Variants in ZNF407 observed in about 807,000 individuals in gnomAD.
ZNF407 encodes zinc finger protein 407.
A neutral mutation model predicts 131.2 loss-of-function variants in ZNF407; 17 were observed. The observed-to-expected ratio is 0.13, with a 90% CI of 0.09 to 0.19. ZNF407 has a LOEUF of 0.19. Ranked by LOEUF, ZNF407 falls within the 10% of genes least tolerant of loss-of-function variation. The pLI is 1.00. For missense variants in ZNF407, 2,681 were observed against 2,830.6 expected (o/e 0.95, Z 1.20); for synonymous variants, 1,156 against 1,062.0 (o/e 1.09, Z -1.72).
At chr18:74,897,539 A>G (rs144783207) in intron 7 of ZNF407, among the ~76,000 whole-genome samples, 1 of 152,368 alleles carries the variant, frequency 6.6e-6, no homozygotes, top group African/African-American at 2.4e-5. Context: ...TCTTTCTACA[A>G]GGAATTACTA....
intron 3 of ZNF407, among the ~76,000 whole-genome samples, chr18:74,652,223 A>G (rs1043373219): frequency 5.3e-5 from 8 of 152,100 alleles, no homozygotes; most frequent in Non-Finnish European, 8.8e-5. Context: ...AAAGTTAAGT[A>G]CCTTTTTATA....
chr18:74,676,475 C>G (rs556253565), intron 3 of ZNF407, among the ~76,000 whole-genome samples: 1 of 145,682 alleles, frequency 6.9e-6, no homozygotes, highest in East Asian at 2.0e-4. Flanking sequence ...CTCGCTCTGT[C>G]ACCCAGGCTG....
intron 8 of ZNF407, among the ~76,000 whole-genome samples, chr18:75,022,503 A>T (rs568712823): frequency 1.3e-5 from 2 of 152,336 alleles, no homozygotes; most frequent in East Asian, 3.9e-4. Context: ...CTAAGGCAAT[A>T]GCCTAACCTC....
chr18:74,888,422 C>G (rs971827205), intron 6 of ZNF407, among the ~76,000 whole-genome samples: 9 of 152,024 alleles, frequency 5.9e-5, no homozygotes, highest in Non-Finnish European at 2.9e-5. Flanking sequence ...ATTTCTACAT[C>G]AAATCAATGT....
chr18:74,779,775 A>G (rs1264505759), intron 3 of ZNF407, among the ~76,000 whole-genome samples: 1 of 152,086 alleles, frequency 6.6e-6, no homozygotes, highest in Non-Finnish European at 1.5e-5. Context: ...TCTATTAAAA[A>G]CTGCACTGTG....
At chr18:74,776,438 T>C (rs1197506786) in intron 3 of ZNF407, among the ~76,000 whole-genome samples, 6 of 152,228 alleles carry the variant, frequency 3.9e-5, no homozygotes, top group African/African-American at 1.4e-4. Flanking sequence ...GACAGAAATA[T>C]TTAGTGGTCC....
chr18:75,002,235 G>A (rs1972853861), intron 8 of ZNF407, among the ~76,000 whole-genome samples: 1 of 152,208 alleles, frequency 6.6e-6, no homozygotes, highest in Admixed American at 6.5e-5. Flanking sequence ...CCTCGTGATT[G>A]AATTAATAAA....
intron 3 of ZNF407, among the ~76,000 whole-genome samples, chr18:74,747,756 C>A (rs1968704349): frequency 6.6e-6 from 1 of 152,076 alleles, no homozygotes; most frequent in Non-Finnish European, 1.5e-5. Flanking sequence ...ATTATCCTAT[C>A]TCTTAGTTAA....
chr18:75,016,532 T>G (rs547454577), intron 8 of ZNF407, among the ~76,000 whole-genome samples: 147 of 145,210 alleles, frequency 1.0e-3, no homozygotes, highest in African/African-American at 3.0e-3. Flanking sequence ...TGCTGCTGAC[T>G]CATATGTGTA....
intron 3 of ZNF407, among the ~76,000 whole-genome samples, chr18:74,668,140 C>G (rs149605582): frequency 6.6e-6 from 1 of 152,092 alleles, no homozygotes; most frequent in Non-Finnish European, 1.5e-5. Flanking sequence ...TGACACCACC[C>G]GGGGAACATT....
intron 3 of ZNF407, among the ~76,000 whole-genome samples, chr18:74,780,571 T>C (rs1216471398): frequency 6.6e-6 from 1 of 152,228 alleles, no homozygotes; most frequent in Admixed American, 6.5e-5. Context: ...TAATTAACTT[T>C]ATGAAGGACA....
In ZNF407 at chr18:75,036,008, A is replaced by G. The variant is rs1166532099; in HGVS notation, c.5429-27142A>G. Among the ~76,000 whole-genome samples, 6 of 152,380 alleles carry G rather than the reference A, an allele frequency of 3.9e-5. 1 individual carries two copies. In the East Asian group the frequency reaches 5.8e-4, roughly 15 times the overall value. ...TGGGTGAGAGGTGGGCGAAGCCACA[A>G]CATTGCAGAAATACATGACTTCTGC... On this transcript the variant is annotated intron_variant, in intron 8 of 8. Transcript: ENST00000299687.
At chr18:74,759,746 C>A (rs1969049394) in intron 3 of ZNF407, among the ~76,000 whole-genome samples, 1 of 150,436 alleles carries the variant, frequency 6.6e-6, no homozygotes. Context: ...TATTTGTTAA[C>A]CCATAATTCT....
intron 4 of ZNF407, among the ~76,000 whole-genome samples, chr18:74,826,806 T>C (rs1970416128): frequency 6.6e-6 from 1 of 152,202 alleles, no homozygotes; most frequent in Non-Finnish European, 1.5e-5. Context: ...TAAGCAGCGA[T>C]GTCATCTTCT....
At chr18:74,893,018 T>A (rs1405728616) in intron 7 of ZNF407, among the ~76,000 whole-genome samples, 1 of 152,196 alleles carries the variant, frequency 6.6e-6, no homozygotes, top group African/African-American at 2.4e-5. Context: ...TATTTCACAG[T>A]ATTTCAGGTT....
chr18:74,835,273 T>C (rs982057847), intron 4 of ZNF407, among the ~76,000 whole-genome samples: 1 of 152,214 alleles, frequency 6.6e-6, no homozygotes, highest in Non-Finnish European at 1.5e-5. Flanking sequence ...TCCAATAGTT[T>C]AAACTGATTT....
At chr18:74,725,911 C>G (rs181145865) in intron 3 of ZNF407, among the ~76,000 whole-genome samples, 1 of 152,238 alleles carries the variant, frequency 6.6e-6, no homozygotes, top group Admixed American at 6.5e-5. Context: ...TATCGACATC[C>G]TTATTGGATG....
At chr18:74,680,162 G>A (rs951416613) in intron 3 of ZNF407, among the ~76,000 whole-genome samples, 1 of 152,080 alleles carries the variant, frequency 6.6e-6, no homozygotes, top group Admixed American at 6.5e-5. Flanking sequence ...AGGTTGAGGT[G>A]GGCAGATCCA....
Position 74,634,541 on chromosome 18 carries a change from G to A in ZNF407, c.3522G>A (p.Lys1174=), listed in dbSNP as rs1214875312. The change falls in exon 2 of 9, where the codon AAG becomes AAA. Residue 1174 remains lysine, a synonymous_variant. Transcript: ENST00000299687. ...FCETFQQAPV[K]DKVRKPEEMM... is the part of the protein sequence containing the mutation. ...AGACTTTCCAACAGGCTCCTGTCAA[G>A]GATAAAGTTAGGAAACCTGAGGAGA... is the stretch of plus-strand genomic sequence containing the variant. 1 of 1,613,778 alleles carries A rather than the reference G, an allele frequency of 6.2e-7. No individual in the cohort carries two copies. The highest frequency in any genetic ancestry group is 1.1e-5 in the South Asian group (1 of 91,072).
Sources: allele counts gnomAD v4.1 joint callset (sites outside exome capture counted in the v4.1 genomes callset), GRCh38; gene constraint gnomAD v4.1.1; transcripts MANE v1.5; gene names NCBI Gene and HGNC (gene_info 2026-07-23, HGNC 2026-07-21).